Variants in NKAIN2 observed in about 807,000 individuals in gnomAD.
NKAIN2 encodes the protein sodium/potassium transporting ATPase interacting 2.
A neutral mutation model predicts 32.6 loss-of-function variants in NKAIN2; 14 were observed. The observed-to-expected ratio is 0.43, with a 90% CI of 0.28 to 0.67. The LOEUF is 0.67. Ranked by LOEUF, NKAIN2 falls within the 30% of genes least tolerant of loss-of-function variation. The probability of loss-of-function intolerance (pLI) is 0.17; values close to 1 mark genes in which losing one functional copy is unlikely to be tolerated. For missense variants in NKAIN2, 198 were observed against 258.3 expected, an observed-to-expected ratio of 0.77 and a Z score of 1.60; for synonymous variants, 80 against 87.2, an observed-to-expected ratio of 0.92 and a Z score of 0.46.
intron 3 of NKAIN2, among the ~76,000 whole-genome samples, chr6:124,434,759 T>G (rs961514478): frequency 6.6e-5 from 10 of 152,314 alleles, no homozygotes; most frequent in Admixed American, 6.5e-4. Flanking sequence ...CCAGTCTTTC[T>G]GGCACTGTGA....
chr6:123,861,355 T>G lies in NKAIN2; in HGVS notation c.54+57101T>G, dbSNP rs945008275. Among the ~76,000 whole-genome samples the G allele has an allele frequency of 2.2e-4, 33 of 152,236 alleles. 1 individual carries two copies. The highest frequency in any genetic ancestry group is 1.5e-5 in the Non-Finnish European group (1 of 68,042). ...TCACAGTCTAATATTATATTGTCTG[T>G]GTGTCCAAAATTAATTCAGTCTATA... On this transcript the variant is annotated intron_variant, in intron 1 of 6. Transcript: ENST00000368417.
chr6:123,909,699 C>T (rs9401709), intron 1 of NKAIN2, among the ~76,000 whole-genome samples: 2,114 of 152,240 alleles, frequency 0.014, 44 homozygotes, highest in East Asian at 0.1. Context: ...TAATCTAGGG[C>T]CTCTTTATGT....
intron 3 of NKAIN2, among the ~76,000 whole-genome samples, chr6:124,365,056 A>G (rs1224393143): frequency 1.3e-5 from 2 of 152,058 alleles, no homozygotes; most frequent in South Asian, 2.1e-4. Context: ...CTAAAAACTA[A>G]GTATAGGTGA....
chr6:124,424,470 T>C (rs1008870394), intron 3 of NKAIN2, among the ~76,000 whole-genome samples: 9 of 146,664 alleles, frequency 6.1e-5, no homozygotes, highest in Non-Finnish European at 9.1e-5. Flanking sequence ...GTATTAACTG[T>C]AGTCATCATG....
chr6:124,767,854 T>TA (rs1778580796), intron 4 of NKAIN2, among the ~76,000 whole-genome samples: 3 of 152,190 alleles, frequency 2.0e-5, no homozygotes, highest in Non-Finnish European at 2.9e-5. Flanking sequence ...TGCCTCCCAC[T>TA]AAAGTGCAAT....
At chr6:124,689,491 CA>C (rs1774157074) in intron 4 of NKAIN2, among the ~76,000 whole-genome samples, 1 of 152,048 alleles carries the variant, frequency 6.6e-6, no homozygotes, top group Admixed American at 6.6e-5. Context: ...TTCTTTCTTT[CA>C]TAGATTGTGC....
At chr6:124,482,063 G>A (rs1214415977) in intron 3 of NKAIN2, among the ~76,000 whole-genome samples, 3 of 152,128 alleles carry the variant, frequency 2.0e-5, no homozygotes, top group African/African-American at 7.2e-5. Context: ...GTATTACATA[G>A]TTTTAAACCC....
At chr6:124,598,020 C>A (rs939062165) in intron 3 of NKAIN2, among the ~76,000 whole-genome samples, 1 of 152,094 alleles carries the variant, frequency 6.6e-6, no homozygotes, top group African/African-American at 2.4e-5. Flanking sequence ...ATTAGTCTTC[C>A]CTTCTTAAAA....
At chr6:124,459,129 C>T (rs1317693562) in intron 3 of NKAIN2, among the ~76,000 whole-genome samples, 3 of 151,774 alleles carry the variant, frequency 2.0e-5, no homozygotes, top group Non-Finnish European at 4.4e-5. Context: ...TTGTTCTAAA[C>T]GTTACCACTT....
At chr6:124,642,507 T>C (rs185974537) in intron 3 of NKAIN2, among the ~76,000 whole-genome samples, 1 of 152,200 alleles carries the variant, frequency 6.6e-6, no homozygotes, top group Non-Finnish European at 1.5e-5. Flanking sequence ...AGTGTCCACA[T>C]GTAGATATTG....
chr6:124,021,282 A>G (rs1204169341), intron 1 of NKAIN2, among the ~76,000 whole-genome samples: 1 of 152,100 alleles, frequency 6.6e-6, no homozygotes, highest in Non-Finnish European at 1.5e-5. Flanking sequence ...GTCAAACAGT[A>G]TTATATATTT....
chr6:124,705,699 C>G (rs879356894), intron 4 of NKAIN2, among the ~76,000 whole-genome samples: 2 of 152,032 alleles, frequency 1.3e-5, no homozygotes, highest in Admixed American at 1.3e-4. Flanking sequence ...CTGAAGGGAA[C>G]GAGTTTTTTT....
chr6:124,806,418 A>T (rs1482224558), intron 5 of NKAIN2, among the ~76,000 whole-genome samples: 1 of 152,132 alleles, frequency 6.6e-6, no homozygotes, highest in Non-Finnish European at 1.5e-5. Flanking sequence ...GAAATAAAAT[A>T]CTTTACAGAC....
chr6:124,803,678 C>G (rs569544970), intron 5 of NKAIN2, among the ~76,000 whole-genome samples: 3 of 152,184 alleles, frequency 2.0e-5, no homozygotes, highest in Non-Finnish European at 2.9e-5. Context: ...TCCCTCTGGT[C>G]TCTTCAGCTT....
intron 4 of NKAIN2, among the ~76,000 whole-genome samples, chr6:124,693,901 G>C (rs144348826): frequency 1.3e-5 from 2 of 152,144 alleles, no homozygotes; most frequent in African/African-American, 4.8e-5. Flanking sequence ...ACAATATAAA[G>C]TCCTCTAAAT....
chr6:123,881,318 G>A (rs138947160), intron 1 of NKAIN2, among the ~76,000 whole-genome samples: 51 of 152,158 alleles, frequency 3.4e-4, no homozygotes, highest in African/African-American at 1.2e-3. Flanking sequence ...CACCATGCCC[G>A]GACACTAGGG....
rs200597216 is a variant in NKAIN2, at chr6:124,712,071, C to T, written c.474+53685C>T. On this transcript the variant is annotated intron_variant, in intron 4 of 6. Transcript: ENST00000368417. ...CTCAGCTGCAGGTCTGTTGGAATAC[C>T]CTGCCGTGTGAGGTGTCAGTGTGCC... 3.0e-4 allele frequency among the ~76,000 whole-genome samples: 45 copies of T among 151,488 alleles called. 2 individuals carry two copies. In the East Asian group the frequency reaches 8.8e-3, roughly 30 times the overall value.
chr6:124,370,477 C>G (rs923161882), intron 3 of NKAIN2, among the ~76,000 whole-genome samples: 2 of 152,036 alleles, frequency 1.3e-5, no homozygotes, highest in Non-Finnish European at 2.9e-5. Context: ...TTAGCACATG[C>G]AACCTGCTAG....
intron 3 of NKAIN2, among the ~76,000 whole-genome samples, chr6:124,599,859 A>G (rs568532430): frequency 6.6e-6 from 1 of 152,218 alleles, no homozygotes; most frequent in South Asian, 2.1e-4. Flanking sequence ...ATGAAATGGA[A>G]CAAAAGGCAA....
Sources: allele counts gnomAD v4.1 joint callset (sites outside exome capture counted in the v4.1 genomes callset), GRCh38; gene constraint gnomAD v4.1.1; transcripts MANE v1.5; gene names NCBI Gene and HGNC (gene_info 2026-07-23, HGNC 2026-07-21).